Variants in GPHN observed in about 807,000 individuals in gnomAD.
The protein encoded by GPHN is gephyrin.
In GPHN, 17 loss-of-function variants were observed where a neutral mutation model predicts 95.5. The ratio of observed to expected loss-of-function variants is 0.18; its 90% confidence interval spans 0.12 to 0.27. GPHN has a LOEUF of 0.27. Among genes scored for constraint, GPHN ranks in the 10% least tolerant of loss-of-function variants. The pLI, the probability that GPHN is intolerant of heterozygous loss-of-function variation, is 1.00. For missense variants in GPHN, 660 were observed against 978.1 expected, an observed-to-expected ratio of 0.67 and a Z score of 4.34; for synonymous variants, 320 against 322.5, an observed-to-expected ratio of 0.99 and a Z score of 0.08.
chr14:67,213,433 C>A, the GPHN span, among the ~76,000 whole-genome samples: 4 of 145,626 alleles, frequency 2.7e-5, no homozygotes, highest in East Asian at 2.1e-4. Flanking sequence ...TTTGTTCTTG[C>A]GATAGTTTAC....
chr14:66,696,737 G>C (rs1188699077), intron 2 of GPHN, among the ~76,000 whole-genome samples: 1 of 152,164 alleles, frequency 6.6e-6, no homozygotes, highest in Non-Finnish European at 1.5e-5. Context: ...GTGGTCCCCT[G>C]AAAGGGTCTC....
intron 21 of GPHN, among the ~76,000 whole-genome samples, chr14:67,172,025 C>T (rs534524089): frequency 1.2e-4 from 19 of 152,168 alleles, no homozygotes; most frequent in Admixed American, 2.0e-4. Flanking sequence ...AAGGAGTCAA[C>T]GCTATGCTCC....
At chr14:67,475,710 C>T in the GPHN span, among the ~76,000 whole-genome samples, 1 of 152,116 alleles carries the variant, frequency 6.6e-6, no homozygotes, top group Non-Finnish European at 1.5e-5. Flanking sequence ...AAGAGTCCTC[C>T]CCAGTCCTTC....
chr14:67,318,621 A>G, the GPHN span, among the ~76,000 whole-genome samples: 2 of 151,922 alleles, frequency 1.3e-5, no homozygotes, highest in African/African-American at 4.9e-5. Context: ...AGAAGGAATT[A>G]CATTTGCTGT....
chr14:67,162,607 A>G (rs1271133266), intron 19 of GPHN, among the ~76,000 whole-genome samples: 1 of 152,226 alleles, frequency 6.6e-6, no homozygotes, highest in Non-Finnish European at 1.5e-5. Context: ...CATAGCTGTT[A>G]TTAAGAACAA....
At chr14:67,407,861 T>C in the GPHN span, among the ~76,000 whole-genome samples, 14 of 152,146 alleles carry the variant, frequency 9.2e-5, no homozygotes, top group Admixed American at 6.5e-4. Flanking sequence ...TAGTCCCAGC[T>C]ACTTGGGAGG....
intron 10 of GPHN, among the ~76,000 whole-genome samples, chr14:67,035,219 C>A (rs554834804): frequency 6.6e-6 from 1 of 151,730 alleles, no homozygotes; most frequent in Admixed American, 6.6e-5. Flanking sequence ...CACAACACAC[C>A]AAAACTTATG....
chr14:66,985,746 T>A, intron 9 of GPHN: 3 of 1,510,692 alleles, frequency 2.0e-6, no homozygotes, highest in Non-Finnish European at 2.7e-6. Context: ...AAAGTAAATA[T>A]GTTTCTAACA....
the GPHN span, among the ~76,000 whole-genome samples, chr14:67,460,471 G>A: frequency 3.9e-5 from 6 of 152,166 alleles, no homozygotes; most frequent in East Asian, 3.8e-4. Context: ...TTGGGAGACC[G>A]AGGCAGGTGA....
the GPHN span, among the ~76,000 whole-genome samples, chr14:67,431,410 A>AC: frequency 5.5e-5 from 6 of 109,306 alleles, no homozygotes; most frequent in African/African-American, 1.9e-4. Context: ...AAAAAAAAAA[A>AC]AAAAAAAAAA....
At chr14:66,900,159 A>G (rs1197640495) in intron 5 of GPHN, among the ~76,000 whole-genome samples, 1 of 151,744 alleles carries the variant, frequency 6.6e-6, no homozygotes, top group African/African-American at 2.4e-5. Flanking sequence ...CTTGCTTAAG[A>G]TATTTCCATT....
chr14:67,549,139 A>C, the GPHN span, among the ~76,000 whole-genome samples: 1 of 152,228 alleles, frequency 6.6e-6, no homozygotes, highest in Non-Finnish European at 1.5e-5. Context: ...TGAAGTTTGC[A>C]TAAAATCATC....
the GPHN span, among the ~76,000 whole-genome samples, chr14:67,716,690 C>A: frequency 1.2e-4 from 19 of 152,084 alleles, no homozygotes; most frequent in Non-Finnish European, 2.5e-4. Context: ...TCGAGACCAG[C>A]CTGGTTAACA....
Position 66,824,454 on chromosome 14 carries a change from A to G in GPHN, c.202-20A>G, listed in dbSNP as rs779620017. 1 of 1,329,822 alleles carries G rather than the reference A, an allele frequency of 7.5e-7. No homozygotes were observed. Among genetic ancestry groups the G allele is most frequent in the Non-Finnish European group, 1.1e-6 (1 of 923,454 alleles). The allele number at this position is 1,329,822 out of a possible 1,614,324, so 82.4% of individuals were successfully genotyped here. Reference sequence around the variant, plus strand: ...CAGGCAAATTTTTCTGCACATGACTATACTATTGTTTTCTTTCAGGAAACC... The same window carrying G: ...CAGGCAAATTTTTCTGCACATGACTGTACTATTGTTTTCTTTCAGGAAACC... On this transcript the variant is annotated intron_variant, in intron 3 of 22. Transcript: ENST00000478722.
Position 67,180,954 on chromosome 14 carries a change from A to G in GPHN, c.*17A>G, listed in dbSNP as rs1305857414. The G allele has an allele frequency of 6.2e-7, 1 of 1,613,710 alleles. No homozygotes were observed. Among genetic ancestry groups the G allele is most frequent in the Admixed American group, 1.7e-5 (1 of 59,972 alleles). ...CGGCTATGATGGTCACCAGCAGGAGAAAGCTTTGATGCATGTCCACATATC... is the reference window on the plus strand; with the variant it reads ...CGGCTATGATGGTCACCAGCAGGAGGAAGCTTTGATGCATGTCCACATATC... On this transcript the variant is annotated 3_prime_UTR_variant, in exon 23 of 23. Transcript: ENST00000478722.
the GPHN span, among the ~76,000 whole-genome samples, chr14:67,481,775 C>A: frequency 6.6e-6 from 1 of 152,188 alleles, no homozygotes; most frequent in Non-Finnish European, 1.5e-5. Flanking sequence ...TCCTTAGGCT[C>A]CTTCCACTAG....
chr14:66,581,737 G>A (rs970009898), intron 1 of GPHN, among the ~76,000 whole-genome samples: 2 of 151,780 alleles, frequency 1.3e-5, no homozygotes, highest in African/African-American at 2.4e-5. Flanking sequence ...AAGAAAGCAG[G>A]AGTAGCTATA....
chr14:66,932,741 G>A lies in GPHN; in HGVS notation c.828+8449G>A, dbSNP rs146665462. On this transcript the variant is annotated intron_variant, in intron 8 of 22. Transcript: ENST00000478722. The stretch of plus-strand genomic sequence containing the variant: ...CAAGGGCTTTTTAGTCACCACTGGT[G>A]AGTCCTGCGAGGCCTGTATCTCTCC... 3.8e-3 allele frequency among the ~76,000 whole-genome samples: 583 copies of A among 151,746 alleles called. 5 individuals are homozygous for A. The highest frequency in any genetic ancestry group is 0.014 in the African/African-American group (560 of 41,362).
chr14:66,668,322 C>G (rs1595474370), intron 1 of GPHN, among the ~76,000 whole-genome samples: 1 of 152,178 alleles, frequency 6.6e-6, no homozygotes, highest in African/African-American at 2.4e-5. Context: ...GTTATAAAGA[C>G]ACATGCACCC....
Sources: gnomAD v4.1 joint callset for allele counts (sites outside exome capture counted in the v4.1 genomes callset) on GRCh38, gnomAD v4.1.1 for gene constraint, MANE v1.5 for transcripts, NCBI Gene and HGNC (gene_info 2026-07-23, HGNC 2026-07-21) for gene names.